Variants in LRRTM4 observed in about 807,000 individuals in gnomAD.
The protein encoded by LRRTM4 is leucine-rich repeat transmembrane neuronal protein 4.
LRRTM4 carries 25 observed loss-of-function variants against 47.6 expected under a neutral mutation model. The ratio of observed to expected loss-of-function variants is 0.53; its 90% confidence interval spans 0.38 to 0.73. The LOEUF is 0.73. LRRTM4 is among the 30% of genes least tolerant of loss of function. The pLI is 0.00. For synonymous variants in LRRTM4, 311 were observed against 269.5 expected (o/e 1.15, Z -1.51); for missense variants, 638 against 713.4 (o/e 0.89, Z 1.20).
At chr2:76,761,187 G>A (rs1031631505) in intron 3 of LRRTM4, among the ~76,000 whole-genome samples, 1 of 152,238 alleles carries the variant, frequency 6.6e-6, no homozygotes, top group Non-Finnish European at 1.5e-5. Context: ...TGCCTGCCGG[G>A]AGATTGCTTG....
intron 3 of LRRTM4, among the ~76,000 whole-genome samples, chr2:76,937,576 G>A (rs1289162853): frequency 6.6e-6 from 1 of 152,154 alleles, no homozygotes; most frequent in Non-Finnish European, 1.5e-5. Context: ...TTTCTTTTGT[G>A]TGTATGTGTG....
chr2:77,008,930 G>A (rs1228082692), intron 3 of LRRTM4: 2 of 134,546 alleles, frequency 1.5e-5, no homozygotes, highest in Admixed American at 8.0e-5. Context: ...CCATATTGGA[G>A]CCAACAAGAA....
At chr2:76,916,609 G>C (rs1327857927) in intron 3 of LRRTM4, among the ~76,000 whole-genome samples, 2 of 151,978 alleles carry the variant, frequency 1.3e-5, no homozygotes, top group Non-Finnish European at 2.9e-5. Context: ...AACCCAGTTA[G>C]AAAAGAAGAA....
At chr2:77,392,877 C>T (rs1673557430) in intron 3 of LRRTM4, among the ~76,000 whole-genome samples, 1 of 151,912 alleles carries the variant, frequency 6.6e-6, no homozygotes, top group Non-Finnish European at 1.5e-5. Context: ...TTTAAGTGTT[C>T]TCATCACACA....
chr2:77,246,240 A>C (rs1397515460), intron 3 of LRRTM4, among the ~76,000 whole-genome samples: 1 of 152,260 alleles, frequency 6.6e-6, no homozygotes, highest in East Asian at 1.9e-4. Flanking sequence ...CTCCATCTGA[A>C]TGTGCTTTCT....
chr2:77,182,767 C>T (rs1366319788), intron 3 of LRRTM4, among the ~76,000 whole-genome samples: 1 of 152,130 alleles, frequency 6.6e-6, no homozygotes, highest in African/African-American at 2.4e-5. Flanking sequence ...AAAGGGAATG[C>T]TTCCAGTTTT....
rs11126612 is a variant in LRRTM4 at position 77,492,875 on chromosome 2, C to T, written c.1551+25443G>A. 9.0e-4 allele frequency among the ~76,000 whole-genome samples: 137 copies of T among 151,844 alleles called. 1 individual carries two copies. In the East Asian group the frequency reaches 0.025, roughly 28 times the overall value. ...AGATATAAATAATATATTTTAATGC[C>T]CAAATCTCATGTTACTAACACTTTA... On this transcript the variant is annotated intron_variant, in intron 3 of 3. Coordinates refer to ENST00000409884, the MANE Select transcript of LRRTM4 (RefSeq NM_001134745.3).
chr2:76,775,091 T>TTATC (rs1038021087), intron 3 of LRRTM4, among the ~76,000 whole-genome samples: 1 of 152,180 alleles, frequency 6.6e-6, no homozygotes, highest in African/African-American at 2.4e-5. Flanking sequence ...TGCATATCCA[T>TTATC]TATCTCTTCA....
At chr2:77,492,644 C>T (rs1353207041) in intron 3 of LRRTM4, among the ~76,000 whole-genome samples, 11 of 151,842 alleles carry the variant, frequency 7.2e-5, no homozygotes, top group Non-Finnish European at 1.6e-4. Flanking sequence ...GGTAACAACG[C>T]ATATATAAAA....
chr2:77,293,976 G>A (rs1375709738), intron 3 of LRRTM4, among the ~76,000 whole-genome samples: 1 of 151,994 alleles, frequency 6.6e-6, no homozygotes, highest in Non-Finnish European at 1.5e-5. Context: ...TTGAAATAAG[G>A]TTTTCTTACT....
chr2:77,272,963 G>A (rs1676245839), intron 3 of LRRTM4, among the ~76,000 whole-genome samples: 1 of 152,100 alleles, frequency 6.6e-6, no homozygotes, highest in African/African-American at 2.4e-5. Context: ...TAATTTGATA[G>A]TTTTAAAGTC....
At chr2:76,952,374 A>G (rs1014234529) in intron 3 of LRRTM4, among the ~76,000 whole-genome samples, 1 of 151,994 alleles carries the variant, frequency 6.6e-6, no homozygotes, top group Non-Finnish European at 1.5e-5. Flanking sequence ...AACCTCATTT[A>G]AAAATGGGCA....
intron 3 of LRRTM4, among the ~76,000 whole-genome samples, chr2:77,176,669 AAAT>A (rs1380765411): frequency 6.6e-6 from 1 of 152,196 alleles, no homozygotes; most frequent in East Asian, 1.9e-4. Flanking sequence ...AGATGATAAA[AAAT>A]AATAAACTCT....
At chr2:77,085,965 C>T (rs1680696094) in intron 3 of LRRTM4, among the ~76,000 whole-genome samples, 1 of 152,098 alleles carries the variant, frequency 6.6e-6, no homozygotes, top group Non-Finnish European at 1.5e-5. Flanking sequence ...TGTCACTCCA[C>T]AATGGACTGA....
chr2:77,168,742 T>C (rs183455137), intron 3 of LRRTM4, among the ~76,000 whole-genome samples: 13 of 152,260 alleles, frequency 8.5e-5, no homozygotes, highest in African/African-American at 3.1e-4. Context: ...TTCTACTCTC[T>C]AACTCCATGT....
intron 3 of LRRTM4, among the ~76,000 whole-genome samples, chr2:76,950,928 C>G (rs1675474034): frequency 6.6e-6 from 1 of 152,018 alleles, no homozygotes; most frequent in Non-Finnish European, 1.5e-5. Flanking sequence ...CAGACAGATG[C>G]ATTCACGTGC....
At chr2:77,183,125 A>T (rs1334143229) in intron 3 of LRRTM4, among the ~76,000 whole-genome samples, 1 of 148,494 alleles carries the variant, frequency 6.7e-6, no homozygotes, top group Non-Finnish European at 1.5e-5. Context: ...AGCAAAAGAA[A>T]CTACTATCAG....
intron 3 of LRRTM4, among the ~76,000 whole-genome samples, chr2:77,505,080 C>A (rs926815475): frequency 3.3e-5 from 5 of 150,964 alleles, no homozygotes; most frequent in South Asian, 4.2e-4. Context: ...ATATTAAGAT[C>A]TCTTTTTATT....
chr2:76,972,242 T>G (rs1406006326), intron 3 of LRRTM4, among the ~76,000 whole-genome samples: 1 of 151,942 alleles, frequency 6.6e-6, no homozygotes, highest in Non-Finnish European at 1.5e-5. Context: ...GAGGATGAGA[T>G]GAGAGGAAGT....
Sources: gnomAD v4.1 joint callset for allele counts (sites outside exome capture counted in the v4.1 genomes callset) on GRCh38, gnomAD v4.1.1 for gene constraint, MANE v1.5 for transcripts, NCBI Gene and HGNC (gene_info 2026-07-23, HGNC 2026-07-21) for gene names.